The following SPOCK1 variants were observed in gnomAD, a reference collection of about 807,000 sequenced individuals.
SPOCK1 encodes the protein SPARC (osteonectin), cwcv and kazal like domains proteoglycan 1.
In SPOCK1, 23 loss-of-function variants were observed where a neutral mutation model predicts 55.3. That is an observed-to-expected ratio of 0.42 (90% CI 0.30 to 0.59). The LOEUF (loss-of-function observed/expected upper bound fraction) is 0.59. SPOCK1 is among the 20% of genes least tolerant of loss of function. The pLI, the probability that SPOCK1 is intolerant of heterozygous loss-of-function variation, is 0.22. For synonymous variants in SPOCK1, 226 were observed against 221.0 expected, an observed-to-expected ratio of 1.02 and a Z score of -0.20; for missense variants, 499 against 552.5, an observed-to-expected ratio of 0.90 and a Z score of 0.97.
At chr5:137,446,639 C>CGAT (rs1195383494) in intron 2 of SPOCK1, among the ~76,000 whole-genome samples, 1 of 152,004 alleles carries the variant, frequency 6.6e-6, no homozygotes, top group Admixed American at 6.6e-5. Flanking sequence ...ACTAGAAACG[C>CGAT]GATGATTCTT....
At chr5:137,190,135 C>T (rs893205175) in intron 3 of SPOCK1, among the ~76,000 whole-genome samples, 7 of 152,024 alleles carry the variant, frequency 4.6e-5, no homozygotes, top group South Asian at 4.2e-4. Flanking sequence ...GAAATGATCA[C>T]GAAGAATTTA....
intron 2 of SPOCK1, among the ~76,000 whole-genome samples, chr5:137,302,218 T>C (rs1046227622): frequency 5.3e-5 from 8 of 152,180 alleles, no homozygotes; most frequent in Non-Finnish European, 8.8e-5. Flanking sequence ...TAGGAGAACA[T>C]GCATATTGTA....
In SPOCK1 at chr5:137,056,946, G is replaced by C. The variant is rs188153535; in HGVS notation, c.589+10769C>G. On this transcript the variant is annotated intron_variant, in intron 6 of 10. Coordinates refer to ENST00000394945, the MANE Select transcript of SPOCK1 (RefSeq NM_004598.4). Reference sequence around the variant, plus strand: ...CTTCTACATGGTAAAATTTACGCAAGTATGAAGGACCTGCCTCCAGGAAGA... The same window carrying C: ...CTTCTACATGGTAAAATTTACGCAACTATGAAGGACCTGCCTCCAGGAAGA... Among the ~76,000 whole-genome samples, 75 of 152,198 alleles carry C rather than the reference G, an allele frequency of 4.9e-4. No individual in the cohort carries two copies. In the Middle Eastern group the frequency reaches 0.01, roughly 21 times the overall value.
At chr5:137,130,074 C>G (rs754973987) in intron 4 of SPOCK1, among the ~76,000 whole-genome samples, 1 of 152,278 alleles carries the variant, frequency 6.6e-6, no homozygotes, top group South Asian at 2.1e-4. Context: ...TGAGTGAAGA[C>G]AGCCAGCCTG....
chr5:137,199,363 GT>G (rs1561469440), intron 3 of SPOCK1, among the ~76,000 whole-genome samples: 1 of 152,166 alleles, frequency 6.6e-6, no homozygotes, highest in Non-Finnish European at 1.5e-5. Flanking sequence ...CTCAGCTGTG[GT>G]TTTTGTTCTC....
intron 3 of SPOCK1, among the ~76,000 whole-genome samples, chr5:137,165,269 GTCTC>G (rs1754625871): frequency 6.6e-6 from 1 of 152,238 alleles, no homozygotes; most frequent in Non-Finnish European, 1.5e-5. Flanking sequence ...GAGACCAAGA[GTCTC>G]TGCCTGCTAA....
intron 3 of SPOCK1, among the ~76,000 whole-genome samples, chr5:137,173,706 G>A (rs945290082): frequency 1.3e-5 from 2 of 152,086 alleles, no homozygotes; most frequent in African/African-American, 4.8e-5. Flanking sequence ...AGAACTTAAG[G>A]ATCCTAAAAA....
At chr5:137,165,685 A>T (rs1754635928) in intron 3 of SPOCK1, among the ~76,000 whole-genome samples, 1 of 152,226 alleles carries the variant, frequency 6.6e-6, no homozygotes, top group Non-Finnish European at 1.5e-5. Context: ...AGGAATTCAG[A>T]ATTCTATCTG....
At chr5:137,411,440 T>G (rs1327883215) in intron 2 of SPOCK1, among the ~76,000 whole-genome samples, 2 of 152,120 alleles carry the variant, frequency 1.3e-5, no homozygotes, top group Non-Finnish European at 2.9e-5. Context: ...ACCAAGGACC[T>G]TGTTGGGCAT....
chr5:137,096,434 A>C (rs1403291988), intron 5 of SPOCK1, among the ~76,000 whole-genome samples: 7 of 152,126 alleles, frequency 4.6e-5, no homozygotes, highest in Non-Finnish European at 8.8e-5. Context: ...CCTCCACCTC[A>C]TCCCACCAAC....
intron 3 of SPOCK1, among the ~76,000 whole-genome samples, chr5:137,212,243 C>G (rs1755631202): frequency 6.6e-6 from 1 of 151,962 alleles, no homozygotes; most frequent in African/African-American, 2.4e-5. Flanking sequence ...GAGAAATCCT[C>G]ACATATTGTG....
At position 137,441,126 on chromosome 5, in the gene SPOCK1, G is replaced by A. The variant is rs564509546; in HGVS notation, c.186+57247C>T. 3.7e-4 allele frequency among the ~76,000 whole-genome samples: 56 copies of A among 152,330 alleles called. No individual in the cohort carries two copies. The Middle Eastern group carries it at 0.017, about 46-fold the overall frequency. The stretch of plus-strand genomic sequence containing the variant: ...AGAAATAGGTGAGTCACAATCAGAC[G>A]TTCAACATCAGAGTGGCTGAGAAGA... On this transcript the variant is annotated intron_variant, in intron 2 of 10. Coordinates refer to ENST00000394945, the MANE Select transcript of SPOCK1 (RefSeq NM_004598.4).
chr5:137,480,392 G>GC (rs1176041591), intron 2 of SPOCK1, among the ~76,000 whole-genome samples: 1 of 150,492 alleles, frequency 6.6e-6, no homozygotes, highest in Non-Finnish European at 1.5e-5. Context: ...AATCAATATT[G>GC]CCCCAAGACA....
intron 5 of SPOCK1, among the ~76,000 whole-genome samples, chr5:137,094,500 T>C (rs912980458): frequency 2.0e-5 from 3 of 152,226 alleles, no homozygotes; most frequent in African/African-American, 7.2e-5. Context: ...GTTTATACTA[T>C]AGTATAGTCT....
intron 3 of SPOCK1, among the ~76,000 whole-genome samples, chr5:137,213,857 C>T (rs946994092): frequency 8.5e-5 from 13 of 152,124 alleles, no homozygotes; most frequent in African/African-American, 3.1e-4. Context: ...CAAATCTTGC[C>T]CTGGTCTCAT....
At chr5:137,032,193 G>A (rs977493214) in intron 6 of SPOCK1, among the ~76,000 whole-genome samples, 1 of 151,984 alleles carries the variant, frequency 6.6e-6, no homozygotes, top group Non-Finnish European at 1.5e-5. Flanking sequence ...GTACACGTTT[G>A]CTGACTCACT....
At chr5:137,163,980 G>T (rs1309664368) in intron 3 of SPOCK1, among the ~76,000 whole-genome samples, 1 of 152,114 alleles carries the variant, frequency 6.6e-6, no homozygotes, top group Non-Finnish European at 1.5e-5. Flanking sequence ...TTCACACACT[G>T]GAGTAAGGGC....
chr5:137,079,947 T>C (rs1048987240), intron 5 of SPOCK1, among the ~76,000 whole-genome samples: 5 of 151,920 alleles, frequency 3.3e-5, no homozygotes, highest in Non-Finnish European at 5.9e-5. Context: ...TCTAATATTT[T>C]ATAATTTAGC....
chr5:137,233,413 C>T (rs987015892), intron 3 of SPOCK1, among the ~76,000 whole-genome samples: 2 of 152,086 alleles, frequency 1.3e-5, no homozygotes, highest in Non-Finnish European at 2.9e-5. Context: ...GGTTCATGTG[C>T]CTATGAGAAT....
Sources: gnomAD v4.1 joint callset for allele counts (sites outside exome capture counted in the v4.1 genomes callset) on GRCh38, gnomAD v4.1.1 for gene constraint, MANE v1.5 for transcripts, NCBI Gene and HGNC (gene_info 2026-07-23, HGNC 2026-07-21) for gene names.